The following ANO4 variants were observed in gnomAD, a reference collection of about 807,000 sequenced individuals.
The protein encoded by ANO4 is anoctamin-4.
A neutral mutation model predicts 141.9 loss-of-function variants in ANO4; 69 were observed. The observed-to-expected ratio is 0.49, with a 90% CI of 0.40 to 0.59. The LOEUF is 0.59. ANO4 is among the 20% of genes least tolerant of loss of function. ANO4 has a pLI of 0.00. For synonymous variants in ANO4, 350 were observed against 394.3 expected, an observed-to-expected ratio of 0.89 and a Z score of 1.33; for missense variants, 894 against 1,162.2, an observed-to-expected ratio of 0.77 and a Z score of 3.36.
chr12:101,128,021 TCA>T lies in ANO4; in HGVS notation c.*169_*170del, dbSNP rs2051397074. On this transcript the variant is annotated 3_prime_UTR_variant, in exon 28 of 28. Coordinates refer to ENST00000392977, the MANE Select transcript of ANO4 (RefSeq NM_001286615.2). The stretch of plus-strand genomic sequence containing the variant: ...ATCCAGTAGAGGACTGGCGTTGGAG[TCA>T]CACTGCTGTGAAATCACGTTGCAGT... 6.6e-6 allele frequency: 1 copy of T among 152,550 alleles called. No homozygotes were observed. The highest frequency in any genetic ancestry group is 1.5e-5 in the Non-Finnish European group (1 of 68,028). 9.4% of individuals were successfully genotyped at this position (152,550 alleles called of 1,614,324 possible). A position where few individuals can be genotyped will look rare whatever the true frequency, so the allele number is the denominator to read the frequency against.
At chr12:100,983,746 A>G (rs555105828) in intron 7 of ANO4, among the ~76,000 whole-genome samples, 9 of 152,344 alleles carry the variant, frequency 5.9e-5, no homozygotes, top group African/African-American at 1.4e-4. Context: ...TCTGCTTTCA[A>G]AGGTCTCATG....
chr12:101,114,576 A>G (rs1162566628), intron 24 of ANO4, among the ~76,000 whole-genome samples: 3 of 152,214 alleles, frequency 2.0e-5, no homozygotes, highest in African/African-American at 7.2e-5. Flanking sequence ...AATGGACAGT[A>G]GCGTTAGTCT....
chr12:101,058,835 C>T (rs375311241), intron 14 of ANO4, among the ~76,000 whole-genome samples: 7 of 152,152 alleles, frequency 4.6e-5, no homozygotes, highest in African/African-American at 1.7e-4. Flanking sequence ...TCCTCTTTTC[C>T]TATTTGAATA....
intron 14 of ANO4, among the ~76,000 whole-genome samples, chr12:101,050,610 A>G (rs750682006): frequency 1.4e-4 from 22 of 152,242 alleles, no homozygotes; most frequent in Non-Finnish European, 2.8e-4. Context: ...CCAGTATTAT[A>G]AATACTAAAT....
chr12:100,866,849 G>A (rs940155414), intron 1 of ANO4, among the ~76,000 whole-genome samples: 3 of 152,234 alleles, frequency 2.0e-5, no homozygotes, highest in East Asian at 1.9e-4. Flanking sequence ...GAGGAGATAC[G>A]TTATACAAAA....
intron 1 of ANO4, among the ~76,000 whole-genome samples, chr12:100,872,023 T>C (rs921638393): frequency 3.3e-5 from 5 of 152,232 alleles, no homozygotes; most frequent in Non-Finnish European, 7.3e-5. Flanking sequence ...TTATATATGA[T>C]TGCCACTAAT....
At chr12:101,088,967 C>A (rs1413795748) in intron 17 of ANO4, among the ~76,000 whole-genome samples, 1 of 152,164 alleles carries the variant, frequency 6.6e-6, no homozygotes, top group Non-Finnish European at 1.5e-5. Context: ...GTGCCAAGGA[C>A]AGTTGTTAGG....
intron 22 of ANO4, among the ~76,000 whole-genome samples, chr12:101,101,948 GT>G (rs2050205289): frequency 6.6e-6 from 1 of 152,144 alleles, no homozygotes; most frequent in Non-Finnish European, 1.5e-5. Context: ...GCTGGGCGCA[GT>G]GGCAGGCGTG....
At chr12:101,032,830 G>T (rs1215569559) in intron 9 of ANO4, among the ~76,000 whole-genome samples, 1 of 151,550 alleles carries the variant, frequency 6.6e-6, no homozygotes, top group Non-Finnish European at 1.5e-5. Context: ...AGGTGCTGGA[G>T]AGGATGTGGA....
intron 9 of ANO4, among the ~76,000 whole-genome samples, chr12:101,029,040 G>T (rs1054553085): frequency 9.9e-5 from 15 of 152,254 alleles, no homozygotes; most frequent in African/African-American, 3.6e-4. Context: ...CATTCTTAAA[G>T]AAAATAATTT....
intron 1 of ANO4, among the ~76,000 whole-genome samples, chr12:100,829,309 G>A (rs1364540201): frequency 2.0e-5 from 3 of 152,002 alleles, no homozygotes; most frequent in African/African-American, 7.2e-5. Context: ...CATTAAATGA[G>A]TTTAATAACT....
intron 3 of ANO4, among the ~76,000 whole-genome samples, chr12:100,760,416 C>T (rs2032801911): frequency 6.6e-6 from 1 of 152,264 alleles, no homozygotes; most frequent in South Asian, 2.1e-4. Context: ...TGTTTCTCCT[C>T]AAATTGAAGC....
intron 1 of ANO4, among the ~76,000 whole-genome samples, chr12:100,848,052 G>A (rs941923504): frequency 6.6e-6 from 1 of 152,094 alleles, no homozygotes; most frequent in African/African-American, 2.4e-5. Flanking sequence ...TGTCTGCTTT[G>A]GTGTCTTATA....
intron 2 of ANO4, among the ~76,000 whole-genome samples, chr12:100,738,388 G>T (rs180686623): frequency 6.6e-6 from 1 of 152,220 alleles, no homozygotes; most frequent in Non-Finnish European, 1.5e-5. Flanking sequence ...TAATTATGCA[G>T]ATCTTGTCAT....
intron 6 of ANO4, among the ~76,000 whole-genome samples, chr12:100,972,360 C>T (rs2043968751): frequency 6.6e-6 from 1 of 152,168 alleles, no homozygotes; most frequent in Non-Finnish European, 1.5e-5. Context: ...AATTTCCATT[C>T]ACAGGCTTGT....
intron 3 of ANO4, among the ~76,000 whole-genome samples, chr12:100,934,362 C>A (rs548915943): frequency 4.6e-4 from 70 of 152,264 alleles, no homozygotes; most frequent in Admixed American, 7.2e-4. Flanking sequence ...GGAATCCTTT[C>A]TGCGTTTCTT....
At chr12:100,757,175 C>A (rs1432772026) in intron 3 of ANO4, among the ~76,000 whole-genome samples, 10 of 152,166 alleles carry the variant, frequency 6.6e-5, no homozygotes, top group Admixed American at 6.5e-4. Context: ...TGTCCTCTGC[C>A]CTGCTCCTCA....
chr12:100,899,219 G>A lies in ANO4; in HGVS notation c.-140-2427G>A, dbSNP rs752928741. 5.3e-5 allele frequency among the ~76,000 whole-genome samples: 8 copies of A among 152,282 alleles called. 1 individual carries two copies. The highest frequency in any genetic ancestry group is 5.9e-5 in the Non-Finnish European group (4 of 68,014). ...TGAATCTCCTGAGACCAAGGCTTAGGCTCACAGCATTGTGGGCTTAGAAAC... is the reference window on the plus strand; with the variant it reads ...TGAATCTCCTGAGACCAAGGCTTAGACTCACAGCATTGTGGGCTTAGAAAC... On this transcript the variant is annotated intron_variant, in intron 1 of 27. Coordinates refer to ENST00000392977, the MANE Select transcript of ANO4 (RefSeq NM_001286615.2).
intron 3 of ANO4, among the ~76,000 whole-genome samples, chr12:100,784,183 C>A (rs2033792723): frequency 6.6e-6 from 1 of 152,142 alleles, no homozygotes; most frequent in Non-Finnish European, 1.5e-5. Context: ...CACTCCTGAC[C>A]CAATTCTCTC....
Sources: gnomAD v4.1 joint callset for allele counts (sites outside exome capture counted in the v4.1 genomes callset) on GRCh38, gnomAD v4.1.1 for gene constraint, MANE v1.5 for transcripts, NCBI Gene and HGNC (gene_info 2026-07-23, HGNC 2026-07-21) for gene names.